THRB: variants seen among roughly 807,000 people sequenced by gnomAD.
The protein encoded by THRB is nuclear receptor subfamily 1 group A member 2.
A neutral mutation model predicts 47.8 loss-of-function variants in THRB; 12 were observed. That is an observed-to-expected ratio of 0.25 (90% CI 0.16 to 0.41). The LOEUF (loss-of-function observed/expected upper bound fraction) is 0.41, where lower values mean the gene tolerates loss of function less well. Ranked by LOEUF, THRB falls within the 10% of genes least tolerant of loss-of-function variation. The pLI is 1.00. For missense variants in THRB, 348 were observed against 589.2 expected (o/e 0.59, Z 4.24); for synonymous variants, 218 against 212.2 (o/e 1.03, Z -0.24).
chr3:24,435,661 C>T (rs2070871027), intron 1 of THRB, among the ~76,000 whole-genome samples: 2 of 152,180 alleles, frequency 1.3e-5, no homozygotes, highest in Admixed American at 1.3e-4. Context: ...CCCACAATGC[C>T]AGAAGGCAGA....
In THRB at chr3:24,339,922, A is replaced by T. The variant is rs181206492; in HGVS notation, c.-260-2551T>A. On this transcript the variant is annotated intron_variant, in intron 1 of 10. Transcript: ENST00000646209. ...GCACATTTTTAATTGGAGCACAAAT[A>T]TATTAACAGTGTGGTTATTTTGTAG... Among the ~76,000 whole-genome samples the T allele has an allele frequency of 3.1e-4, 47 of 152,322 alleles. No homozygotes were observed. The South Asian group carries it at 7.0e-3, about 23-fold the overall frequency.
chr3:24,164,919 T>G (rs1289934582), intron 5 of THRB: 1 of 607,830 alleles, frequency 1.6e-6, no homozygotes, highest in East Asian at 2.7e-5. Context: ...TTCAAATATT[T>G]AGCGTTCAAA....
In THRB at chr3:24,170,148, C is replaced by G. The variant is rs573745785; in HGVS notation, c.284-17658G>C. On this transcript the variant is annotated intron_variant, in intron 5 of 10. Transcript: ENST00000646209. ...ACTTAATTCTTTCTAAAACCTGTTC[C>G]TCTCACAGTAGTCCCATCTTGGCAC... is the stretch of plus-strand genomic sequence containing the variant. Among the ~76,000 whole-genome samples the G allele has an allele frequency of 7.9e-5, 12 of 152,278 alleles. No homozygotes were observed. The South Asian group carries it at 2.5e-3, about 32-fold the overall frequency.
rs377457844 is a variant in THRB, at chr3:24,352,572, C to G, written c.-260-15201G>C. The stretch of plus-strand genomic sequence containing the variant: ...TGTTTTAGCAGTATGAAATCAGAAG[C>G]AGCCTGCAAATTTCAAACCGGGGTG... On this transcript the variant is annotated intron_variant, in intron 1 of 10. Transcript: ENST00000646209. 2.2e-4 allele frequency among the ~76,000 whole-genome samples: 33 copies of G among 152,280 alleles called. No individual in the cohort carries two copies. The South Asian group carries it at 6.6e-3, about 31-fold the overall frequency.
chr3:24,224,211 A>G (rs2047429818), intron 4 of THRB, among the ~76,000 whole-genome samples: 1 of 152,212 alleles, frequency 6.6e-6, no homozygotes. Flanking sequence ...AAAATTATGT[A>G]CAAGGCAGTT....
At chr3:24,395,223 T>A (rs1006438411) in intron 1 of THRB, among the ~76,000 whole-genome samples, 1 of 152,080 alleles carries the variant, frequency 6.6e-6, no homozygotes, top group African/African-American at 2.4e-5. Context: ...AAAGCTTTTT[T>A]TAGATATGAC....
rs75361619 is a variant in THRB, at chr3:24,327,348, G to A, written c.-189+9952C>T. Among the ~76,000 whole-genome samples, 705 of 152,230 alleles carry A rather than the reference G, an allele frequency of 4.6e-3. 7 individuals carry two copies. The highest frequency in any genetic ancestry group is 8.3e-3 in the Non-Finnish European group (564 of 68,020). On this transcript the variant is annotated intron_variant, in intron 2 of 10. Coordinates refer to ENST00000646209, the MANE Select transcript of THRB (RefSeq NM_001354712.2). ...ATTTTGTTTCTAATTCAATCAAAGA[G>A]TTGCTGTAAGAGTATTGGGAAATCC...
At chr3:24,313,279 G>A (rs1245499561) in intron 2 of THRB, among the ~76,000 whole-genome samples, 1 of 152,114 alleles carries the variant, frequency 6.6e-6, no homozygotes, top group Non-Finnish European at 1.5e-5. Context: ...CATCTTTTCA[G>A]GAGTATGTGC....
intron 2 of THRB, among the ~76,000 whole-genome samples, chr3:24,315,649 C>T (rs1256144681): frequency 6.6e-6 from 1 of 152,148 alleles, no homozygotes; most frequent in East Asian, 1.9e-4. Flanking sequence ...AATGAGACTC[C>T]TATGGCACTG....
chr3:24,326,021 A>T (rs895371869), intron 2 of THRB, among the ~76,000 whole-genome samples: 2 of 152,092 alleles, frequency 1.3e-5, no homozygotes, highest in African/African-American at 4.8e-5. Context: ...TCTAGGCTTG[A>T]TACAAATTCT....
chr3:24,144,574 G>C (rs964638930), intron 7 of THRB: 6 of 152,178 alleles, frequency 3.9e-5, no homozygotes, highest in Non-Finnish European at 8.8e-5. Flanking sequence ...AAAATCAGAA[G>C]GGCAGGTAAC....
At chr3:24,302,682 C>T (rs757881337) in intron 2 of THRB, among the ~76,000 whole-genome samples, 2 of 152,200 alleles carry the variant, frequency 1.3e-5, no homozygotes, top group African/African-American at 2.4e-5. Context: ...GCCATCCAGT[C>T]CATCGGCTAA....
chr3:24,424,958 T>G (rs1379506625), intron 1 of THRB, among the ~76,000 whole-genome samples: 1 of 151,968 alleles, frequency 6.6e-6, no homozygotes, highest in Non-Finnish European at 1.5e-5. Flanking sequence ...TACTATTTAA[T>G]ATAATATTTG....
chr3:24,317,374 C>T (rs1284338860), intron 2 of THRB, among the ~76,000 whole-genome samples: 1 of 152,132 alleles, frequency 6.6e-6, no homozygotes, highest in Non-Finnish European at 1.5e-5. Flanking sequence ...GGAGGTAATT[C>T]TGATACCCCA....
chr3:24,388,488 AG>A (rs1321476187), intron 1 of THRB, among the ~76,000 whole-genome samples: 1 of 152,166 alleles, frequency 6.6e-6, no homozygotes, highest in Admixed American at 6.6e-5. Flanking sequence ...CATAACCCAA[AG>A]GTTGGTCCCT....
At chr3:24,379,122 T>C (rs1306835935) in intron 1 of THRB, among the ~76,000 whole-genome samples, 19 of 152,190 alleles carry the variant, frequency 1.2e-4, no homozygotes, top group Admixed American at 1.2e-3. Flanking sequence ...CCGCCTTCGA[T>C]GCATATATGT....
chr3:24,335,692 T>A (rs2062204327), intron 2 of THRB, among the ~76,000 whole-genome samples: 1 of 152,198 alleles, frequency 6.6e-6, no homozygotes, highest in Admixed American at 6.5e-5. Flanking sequence ...CTATTTTGAT[T>A]CTTACCACCA....
At chr3:24,300,880 A>G (rs1024399356) in intron 2 of THRB, among the ~76,000 whole-genome samples, 5 of 152,168 alleles carry the variant, frequency 3.3e-5, no homozygotes, top group African/African-American at 1.2e-4. Flanking sequence ...ACATATGTCC[A>G]TGTGGTAATC....
chr3:24,429,359 T>C (rs2070125560), intron 1 of THRB, among the ~76,000 whole-genome samples: 1 of 151,578 alleles, frequency 6.6e-6, no homozygotes, highest in Non-Finnish European at 1.5e-5. Flanking sequence ...ATATGCAAGG[T>C]TGCATCATAT....
Sources: gnomAD v4.1 joint callset for allele counts (sites outside exome capture counted in the v4.1 genomes callset) on GRCh38, gnomAD v4.1.1 for gene constraint, MANE v1.5 for transcripts, NCBI Gene and HGNC (gene_info 2026-07-23, HGNC 2026-07-21) for gene names.